Variants in SERPINI1 observed in about 807,000 individuals in gnomAD.
SERPINI1 encodes the protein neuroserpin.
A neutral mutation model predicts 41.1 loss-of-function variants in SERPINI1; 19 were observed. That is an observed-to-expected ratio of 0.46 (90% CI 0.32 to 0.68). The LOEUF (loss-of-function observed/expected upper bound fraction) is 0.68, where lower values mean the gene tolerates loss of function less well. Ranked by LOEUF, SERPINI1 falls within the 30% of genes least tolerant of loss-of-function variation. SERPINI1 has a pLI of 0.03. For missense variants in SERPINI1, 460 were observed against 479.2 expected (o/e 0.96, Z 0.37); for synonymous variants, 138 against 156.6 (o/e 0.88, Z 0.89).
At chr3:167,815,940 T>A (rs1263216327) in intron 6 of SERPINI1, among the ~76,000 whole-genome samples, 1 of 152,206 alleles carries the variant, frequency 6.6e-6, no homozygotes, top group Non-Finnish European at 1.5e-5. Context: ...TTTTAGCACG[T>A]ATGTGGCCTT....
intron 6 of SERPINI1, among the ~76,000 whole-genome samples, chr3:167,811,379 CAG>C (rs993654798): frequency 7.2e-5 from 10 of 138,612 alleles, no homozygotes; most frequent in Admixed American, 2.2e-4. Context: ...CATGTGGAAA[CAG>C]AGAAGAAAAA....
chr3:167,754,584 C>CA (rs1297957807), intron 1 of SERPINI1, among the ~76,000 whole-genome samples: 13 of 152,276 alleles, frequency 8.5e-5, no homozygotes, highest in Middle Eastern at 6.8e-3. Flanking sequence ...ATCCACAGTG[C>CA]AAAATCTGAA....
At chr3:167,805,755 G>A (rs774754828) in intron 5 of SERPINI1, among the ~76,000 whole-genome samples, 8 of 152,094 alleles carry the variant, frequency 5.3e-5, no homozygotes, top group Middle Eastern at 3.4e-3. Flanking sequence ...TGTTTTCTGC[G>A]TATGGCTAGT....
At chr3:167,785,174 G>A (rs1249692497) in intron 1 of SERPINI1, among the ~76,000 whole-genome samples, 2 of 152,104 alleles carry the variant, frequency 1.3e-5, no homozygotes, top group Non-Finnish European at 2.9e-5. Context: ...AACTCGGGAG[G>A]TGGAGGTTGC....
chr3:167,755,794 ATTTTTTTTT>A (rs34182780), intron 1 of SERPINI1, among the ~76,000 whole-genome samples: 2 of 119,222 alleles, frequency 1.7e-5, no homozygotes, highest in Admixed American at 8.6e-5. Flanking sequence ...GGTGTTGCTG[ATTTTTTTTT>A]TTTTTTTTTT....
At chr3:167,806,837 G>A (rs865998110) in intron 5 of SERPINI1, among the ~76,000 whole-genome samples, 4 of 147,972 alleles carry the variant, frequency 2.7e-5, no homozygotes, top group South Asian at 2.1e-4. Flanking sequence ...GTAAATGTAT[G>A]ATTAGTCATC....
chr3:167,766,223 C>CCA (rs1726562170), intron 1 of SERPINI1, among the ~76,000 whole-genome samples: 2 of 97,174 alleles, frequency 2.1e-5, no homozygotes, highest in African/African-American at 1.0e-4. Flanking sequence ...GGCAATTTAC[C>CCA]TAAAAAAAAA....
chr3:167,792,862 A>G (rs1321047694), intron 4 of SERPINI1, 78 bp downstream of exon 4: 2 of 1,235,580 alleles, frequency 1.6e-6, no homozygotes, highest in Non-Finnish European at 2.4e-6. Context: ...AAGCATTCAT[A>G]TTCAAACTCC....
intron 2 of SERPINI1, among the ~76,000 whole-genome samples, chr3:167,789,606 A>G (rs116664000): frequency 0.01 from 1,565 of 152,362 alleles, 8 homozygotes; most frequent in Middle Eastern, 0.017. Context: ...ATTATGATTT[A>G]CATAAACTCC....
Position 167,794,775 on chromosome 3 carries a change from G to A in SERPINI1, c.832G>A (p.Glu278Lys). ...ATTAGTCAAAGCACAGCTGGTTGAA[G>A]AATGGGCAAACTCTGTGAAGAAGCA... is the stretch of plus-strand genomic sequence containing the variant. Reference protein sequence around the residue: ...EPLVKAQLVEEWANSVKKQKV... With the variant: ...EPLVKAQLVEKWANSVKKQKV... Residue 278 changes from glutamate (E) to lysine (K), a missense_variant, in exon 5 of 9, where the codon GAA becomes AAA. Transcript: ENST00000446050. The A allele has an allele frequency of 1.9e-6, 3 of 1,613,678 alleles. No individual in the cohort carries two copies. The highest frequency in any genetic ancestry group is 2.5e-6 in the Non-Finnish European group (3 of 1,179,810).
chr3:167,778,439 C>T (rs1727025544), intron 1 of SERPINI1, among the ~76,000 whole-genome samples: 1 of 152,130 alleles, frequency 6.6e-6, no homozygotes, highest in African/African-American at 2.4e-5. Flanking sequence ...AAATGGGTTT[C>T]TCTGATTGGT....
At chr3:167,776,235 G>A (rs1726965561) in intron 1 of SERPINI1, among the ~76,000 whole-genome samples, 1 of 152,188 alleles carries the variant, frequency 6.6e-6, no homozygotes, top group Admixed American at 6.5e-5. Context: ...TTTGTCTTAG[G>A]GCTTGTGTGT....
intron 1 of SERPINI1, among the ~76,000 whole-genome samples, chr3:167,773,070 A>G (rs1177351504): frequency 1.3e-5 from 2 of 151,218 alleles, no homozygotes; most frequent in South Asian, 2.1e-4. Flanking sequence ...AAGTTAAAAA[A>G]CAAAAAGACT....
chr3:167,739,894 T>C (rs1047986770), intron 1 of SERPINI1, among the ~76,000 whole-genome samples: 3 of 152,214 alleles, frequency 2.0e-5, no homozygotes, highest in Non-Finnish European at 4.4e-5. Flanking sequence ...TTCTAGTTAA[T>C]TGTATATAGT....
intron 1 of SERPINI1, among the ~76,000 whole-genome samples, chr3:167,775,390 T>C (rs1560003743): frequency 6.6e-6 from 1 of 151,332 alleles, no homozygotes; most frequent in Non-Finnish European, 1.5e-5. Flanking sequence ...GCCTCCAGAG[T>C]AGCTGGGATT....
At chr3:167,817,464 A>G (rs535097833) in intron 6 of SERPINI1, among the ~76,000 whole-genome samples, 77 of 152,288 alleles carry the variant, frequency 5.1e-4, no homozygotes, top group African/African-American at 1.7e-3. Flanking sequence ...CTAGAAAACC[A>G]TCTAGGCTTG....
intron 1 of SERPINI1, among the ~76,000 whole-genome samples, chr3:167,781,762 A>G (rs1727133994): frequency 6.6e-6 from 1 of 151,050 alleles, no homozygotes; most frequent in South Asian, 2.1e-4. Flanking sequence ...TAATTTTAAA[A>G]TAATTGGGTT....
chr3:167,816,261 G>T (rs879451541), intron 6 of SERPINI1, among the ~76,000 whole-genome samples: 7 of 151,744 alleles, frequency 4.6e-5, no homozygotes, highest in Non-Finnish European at 1.0e-4. Context: ...CCGACTCCTG[G>T]GCTCAAGCGA....
intron 1 of SERPINI1, among the ~76,000 whole-genome samples, chr3:167,777,008 G>A (rs1178063156): frequency 6.6e-6 from 1 of 152,136 alleles, no homozygotes; most frequent in Admixed American, 6.6e-5. Context: ...GTCTTGATAT[G>A]TGATAAAATT....
Sources: allele counts gnomAD v4.1 joint callset (sites outside exome capture counted in the v4.1 genomes callset), GRCh38; gene constraint gnomAD v4.1.1; transcripts MANE v1.5; gene names NCBI Gene and HGNC (gene_info 2026-07-23, HGNC 2026-07-21).